CDH20: variants seen among roughly 807,000 people sequenced by gnomAD.
CDH20 encodes the protein cadherin 20.
CDH20 carries 29 observed loss-of-function variants against 74.2 expected under a neutral mutation model. The observed-to-expected ratio is 0.39, with a 90% confidence interval of 0.29 to 0.53. The LOEUF (loss-of-function observed/expected upper bound fraction) is 0.53. Ranked by LOEUF, CDH20 falls within the 20% of genes least tolerant of loss-of-function variation. The probability of loss-of-function intolerance (pLI) is 0.69; values close to 1 mark genes in which losing one functional copy is unlikely to be tolerated. For synonymous variants in CDH20, 469 were observed against 405.4 expected, an observed-to-expected ratio of 1.16 and a Z score of -1.88; for missense variants, 988 against 1,048.3, an observed-to-expected ratio of 0.94 and a Z score of 0.79.
chr18:61,547,425 C>T (rs1913289310), intron 10 of CDH20, among the ~76,000 whole-genome samples: 1 of 152,114 alleles, frequency 6.6e-6, no homozygotes, highest in African/African-American at 2.4e-5. Flanking sequence ...CTTTTATGAA[C>T]ACAACAGGGC....
At position 61,499,381 on chromosome 18, in the gene CDH20, G is replaced by C; in HGVS notation, c.442G>C (p.Glu148Gln). The C allele has an allele frequency of 6.2e-7, 1 of 1,614,102 alleles. No individual in the cohort carries two copies. Among genetic ancestry groups the C allele is most frequent in the Admixed American group, 1.7e-5 (1 of 60,012 alleles). Reference protein sequence around the residue: ...DRRTGRPMEPESEFIIKIQDI... With the variant: ...DRRTGRPMEPQSEFIIKIQDI... Reference sequence around the variant, plus strand: ...GCGGACGGGCAGGCCAATGGAGCCCGAGTCAGAGTTCATCATCAAAATTCA... The same window carrying C: ...GCGGACGGGCAGGCCAATGGAGCCCCAGTCAGAGTTCATCATCAAAATTCA... Residue 148 changes from glutamate (E) to glutamine (Q), a missense_variant, in exon 3 of 12, where the codon GAG becomes CAG. By Grantham distance (29) the Glu-to-Gln change is conservative. Around this residue, in one of 2 missense-constraint regions of CDH20, gnomAD observed 613 missense variants for 755.2 expected, o/e 0.81. Coordinates refer to ENST00000262717, the MANE Select transcript of CDH20 (RefSeq NM_031891.4).
chr18:61,527,012 C>T (rs1336397226), intron 6 of CDH20, among the ~76,000 whole-genome samples: 2 of 152,116 alleles, frequency 1.3e-5, no homozygotes, highest in Non-Finnish European at 2.9e-5. Flanking sequence ...GAAACCCTGT[C>T]TCTACTAAAA....
chr18:61,340,560 A>G (rs1909915466), intron 1 of CDH20, among the ~76,000 whole-genome samples: 1 of 152,210 alleles, frequency 6.6e-6, no homozygotes, highest in Non-Finnish European at 1.5e-5. Context: ...ATAGCAGCTT[A>G]TATAAATTGA....
intron 1 of CDH20, among the ~76,000 whole-genome samples, chr18:61,445,633 T>A (rs1212319021): frequency 1.3e-5 from 2 of 152,192 alleles, no homozygotes; most frequent in Non-Finnish European, 2.9e-5. Flanking sequence ...AGTCCAACAC[T>A]CTTGCTCTTT....
At position 61,349,816 on chromosome 18, in the gene CDH20, T is replaced by C. The variant is rs74416656; in HGVS notation, c.-153+15989T>C. Among the ~76,000 whole-genome samples, 1,360 of 151,900 alleles carry C rather than the reference T, an allele frequency of 9.0e-3. 20 individuals are homozygous for C. The highest frequency in any genetic ancestry group is 0.031 in the African/African-American group (1,305 of 41,430). ...AATATCAAAATTAGGTGTTTTAATC[T>C]ATCTCACGCTGCAGGTTGTCACATG... On this transcript the variant is annotated intron_variant, in intron 1 of 11. Coordinates refer to ENST00000262717, the MANE Select transcript of CDH20 (RefSeq NM_031891.4).
chr18:61,465,510 C>T (rs750294270), intron 1 of CDH20, among the ~76,000 whole-genome samples: 2 of 151,478 alleles, frequency 1.3e-5, no homozygotes, highest in Non-Finnish European at 2.9e-5. Flanking sequence ...ACCAGATTTG[C>T]AAAACTGAAT....
chr18:61,402,583 A>C (rs1912192231), intron 1 of CDH20, among the ~76,000 whole-genome samples: 1 of 152,156 alleles, frequency 6.6e-6, no homozygotes, highest in African/African-American at 2.4e-5. Flanking sequence ...AACCTGCCTG[A>C]TGGTATTACA....
chr18:61,361,433 G>T (rs1174318297), intron 1 of CDH20, among the ~76,000 whole-genome samples: 1 of 152,214 alleles, frequency 6.6e-6, no homozygotes, highest in African/African-American at 2.4e-5. Context: ...GGGCAAACTG[G>T]CAGTAAAAAT....
chr18:61,413,633 G>A (rs1475637181), intron 1 of CDH20, among the ~76,000 whole-genome samples: 1 of 151,836 alleles, frequency 6.6e-6, no homozygotes, highest in Non-Finnish European at 1.5e-5. Context: ...ACATAGTTCT[G>A]TTGACATCAA....
chr18:61,344,002 C>T (rs939155035), intron 1 of CDH20, among the ~76,000 whole-genome samples: 4 of 152,126 alleles, frequency 2.6e-5, no homozygotes, highest in African/African-American at 4.8e-5. Flanking sequence ...GACATCAGAT[C>T]AGGGAAGGTA....
chr18:61,397,919 G>C (rs1912037400), intron 1 of CDH20, among the ~76,000 whole-genome samples: 1 of 152,184 alleles, frequency 6.6e-6, no homozygotes, highest in African/African-American at 2.4e-5. Context: ...TTAATCGTAA[G>C]AGATGCAGAA....
intron 1 of CDH20, among the ~76,000 whole-genome samples, chr18:61,439,365 C>A (rs922853119): frequency 1.3e-5 from 2 of 152,002 alleles, no homozygotes; most frequent in South Asian, 2.1e-4. Context: ...TTTCTGTCAC[C>A]TTTCCAAATA....
At chr18:61,492,825 A>T (rs1248116412) in intron 2 of CDH20, among the ~76,000 whole-genome samples, 2 of 152,196 alleles carry the variant, frequency 1.3e-5, no homozygotes, top group African/African-American at 2.4e-5. Context: ...TAGAAGCTCA[A>T]TGAAAGCAAG....
At chr18:61,337,419 C>A (rs1951454276) in intron 1 of CDH20, among the ~76,000 whole-genome samples, 1 of 152,138 alleles carries the variant, frequency 6.6e-6, no homozygotes. Flanking sequence ...AACATATATG[C>A]AAATAGCACC....
chr18:61,502,831 A>C (rs1911432329), intron 4 of CDH20, 122 bp from the exon 5 acceptor site: 1 of 694,420 alleles, frequency 1.4e-6, no homozygotes, highest in Admixed American at 3.2e-5. Context: ...ATTTAAAAGC[A>C]CAGGTGACTT....
intron 5 of CDH20, among the ~76,000 whole-genome samples, chr18:61,503,870 G>A (rs891167637): frequency 2.0e-5 from 3 of 152,152 alleles, no homozygotes; most frequent in African/African-American, 7.2e-5. Flanking sequence ...GGTTTACATA[G>A]GCAGAAAAGA....
intron 1 of CDH20, among the ~76,000 whole-genome samples, chr18:61,417,839 A>G (rs1912740802): frequency 6.6e-6 from 1 of 152,174 alleles, no homozygotes; most frequent in Admixed American, 6.5e-5. Context: ...GTAAATGATA[A>G]ATACTTGAGG....
At chr18:61,514,765 G>C (rs1378234040) in intron 6 of CDH20, among the ~76,000 whole-genome samples, 6 of 151,958 alleles carry the variant, frequency 3.9e-5, no homozygotes, top group African/African-American at 1.5e-4. Flanking sequence ...TGCCGTGTGA[G>C]GTGTCAGTGT....
chr18:61,511,337 TTTG>T (rs1405555918), intron 6 of CDH20, among the ~76,000 whole-genome samples: 2 of 151,560 alleles, frequency 1.3e-5, no homozygotes, highest in African/African-American at 4.9e-5. Flanking sequence ...GCCACCTATT[TTTG>T]TTGTTGTTGT....
Sources: allele counts gnomAD v4.1 joint callset (sites outside exome capture counted in the v4.1 genomes callset), GRCh38; gene constraint gnomAD v4.1.1; regional missense constraint gnomAD v4.1.1; transcripts MANE v1.5; gene names NCBI Gene and HGNC (gene_info 2026-07-23, HGNC 2026-07-21).